The following COL23A1 variants were observed in gnomAD, a reference collection of about 807,000 sequenced individuals.
COL23A1 encodes the protein collagen type XXIII alpha 1 chain.
Under a neutral mutation model 99.3 loss-of-function variants are expected in COL23A1, and 97 were observed. The observed-to-expected ratio is 0.98, with a 90% confidence interval of 0.83 to 1.16. The LOEUF (loss-of-function observed/expected upper bound fraction) is 1.16, where lower values mean the gene tolerates loss of function less well. Ranked by LOEUF, COL23A1 falls within the 50% of genes most tolerant of loss-of-function variation. The pLI is 0.00. For missense variants in COL23A1, 762 were observed against 757.4 expected (o/e 1.01, Z -0.07); for synonymous variants, 320 against 308.2 (o/e 1.04, Z -0.40).
At chr5:178,372,390 G>A (rs941825168) in intron 2 of COL23A1, among the ~76,000 whole-genome samples, 8 of 152,176 alleles carry the variant, frequency 5.3e-5, no homozygotes, top group Non-Finnish European at 8.8e-5. Flanking sequence ...CGTTAGCCCT[G>A]GCCTTATTAA....
intron 2 of COL23A1, chr5:178,345,207 G>A: frequency 1.2e-6 from 1 of 854,292 alleles, no homozygotes; most frequent in Non-Finnish European, 1.9e-6. Context: ...CAGATGTGCG[G>A]GGTTAGAGAT....
In COL23A1 at chr5:178,372,011, G is replaced by T. The variant is rs114901058; in HGVS notation, c.362-65092C>A. Among the ~76,000 whole-genome samples the T allele has an allele frequency of 4.1e-3, 624 of 152,360 alleles. 3 individuals carry two copies. Among genetic ancestry groups the T allele is most frequent in the African/African-American group, 0.014 (597 of 41,586 alleles). Reference sequence around the variant, plus strand: ...TCCTTTCTAGATTAGAGGCTGCACAGTGACAGCCGTGACCCACAGATGTTT... The same window carrying T: ...TCCTTTCTAGATTAGAGGCTGCACATTGACAGCCGTGACCCACAGATGTTT... On this transcript the variant is annotated intron_variant, in intron 2 of 28. Transcript: ENST00000390654.
At chr5:178,543,310 T>G (rs1761397723) in intron 2 of COL23A1, among the ~76,000 whole-genome samples, 2 of 152,128 alleles carry the variant, frequency 1.3e-5, no homozygotes, top group South Asian at 4.1e-4. Context: ...TTTCACCACG[T>G]TGGCCAGGCT....
intron 2 of COL23A1, among the ~76,000 whole-genome samples, chr5:178,505,726 G>A (rs1562033528): frequency 6.6e-6 from 1 of 152,086 alleles, no homozygotes; most frequent in African/African-American, 2.4e-5. Flanking sequence ...CCCATAACAC[G>A]AAGGTAATCT....
intron 1 of COL23A1, among the ~76,000 whole-genome samples, chr5:178,563,176 G>A (rs549104836): frequency 6.6e-6 from 1 of 152,272 alleles, no homozygotes; most frequent in East Asian, 1.9e-4. Context: ...CTGTAAATCG[G>A]AACCTGGCTA....
At chr5:178,285,907 T>A (rs1327066180) in intron 5 of COL23A1, among the ~76,000 whole-genome samples, 1 of 152,228 alleles carries the variant, frequency 6.6e-6, no homozygotes, top group African/African-American at 2.4e-5. Context: ...CGAAAGGTCC[T>A]CCCCTTCCTC....
chr5:178,584,308 C>CCACACA (rs4045513), intron 1 of COL23A1, among the ~76,000 whole-genome samples: 4,241 of 145,084 alleles, frequency 0.029, 64 homozygotes, highest in Middle Eastern at 0.059. Flanking sequence ...CTGCACCTGG[C>CCACACA]CACACACACA....
intron 2 of COL23A1, among the ~76,000 whole-genome samples, chr5:178,345,997 T>C (rs914466678): frequency 3.9e-5 from 6 of 152,152 alleles, no homozygotes; most frequent in Non-Finnish European, 1.5e-5. Flanking sequence ...GACTCATATC[T>C]AAGATAGAGT....
At chr5:178,249,905 C>A (rs945681348) in intron 18 of COL23A1, among the ~76,000 whole-genome samples, 156 bp downstream of exon 18, 2 of 151,876 alleles carry the variant, frequency 1.3e-5, no homozygotes, top group Admixed American at 1.3e-4. Context: ...GGTTTGCACA[C>A]AGGCAGCCTG....
rs77114652 is a variant in COL23A1 at position 178,278,577 on chromosome 5, G to A, written c.442-8214C>T. Among the ~76,000 whole-genome samples the A allele has an allele frequency of 7.7e-3, 1,176 of 152,204 alleles. 12 individuals are homozygous for A. The highest frequency in any genetic ancestry group is 0.027 in the African/African-American group (1,125 of 41,518). On this transcript the variant is annotated intron_variant, in intron 5 of 28. Coordinates refer to ENST00000390654, the MANE Select transcript of COL23A1 (RefSeq NM_173465.4). ...CTCATCTATTTTCTCACTTGCCGGCGGCTGCAAGCGTCAGTGAGCCCGTGA... is the reference window on the plus strand; with the variant it reads ...CTCATCTATTTTCTCACTTGCCGGCAGCTGCAAGCGTCAGTGAGCCCGTGA...
At chr5:178,416,674 C>T (rs1765329866) in intron 2 of COL23A1, among the ~76,000 whole-genome samples, 1 of 152,202 alleles carries the variant, frequency 6.6e-6, no homozygotes, top group Admixed American at 6.5e-5. Context: ...GTATCCTTCC[C>T]ATTTCACAGA....
At chr5:178,523,199 T>TAGAGAG (rs1269636962) in intron 2 of COL23A1, among the ~76,000 whole-genome samples, 48 of 75,958 alleles carry the variant, frequency 6.3e-4, no homozygotes, top group African/African-American at 1.2e-3. Flanking sequence ...TATATATATA[T>TAGAGAG]ATAGAGAGAG....
chr5:178,576,633 G>C (rs1216106989), intron 1 of COL23A1, among the ~76,000 whole-genome samples: 1 of 152,168 alleles, frequency 6.6e-6, no homozygotes, highest in East Asian at 1.9e-4. Flanking sequence ...CGGTAGGAGC[G>C]GGGACAGGCG....
chr5:178,253,091 G>A (rs754539769), intron 16 of COL23A1, among the ~76,000 whole-genome samples: 3 of 151,988 alleles, frequency 2.0e-5, no homozygotes, highest in Non-Finnish European at 4.4e-5. Context: ...GCAGGTAGGG[G>A]TGGGGTCTCC....
chr5:178,241,758 C>G (rs1204934699), intron 27 of COL23A1, among the ~76,000 whole-genome samples: 2 of 152,262 alleles, frequency 1.3e-5, no homozygotes, highest in Non-Finnish European at 2.9e-5. Flanking sequence ...CCTACTCAAG[C>G]CAGGCCTGTC....
chr5:178,247,648 T>TGCCCTCC, intron 21 of COL23A1, 96 bp from the exon 22 acceptor site: 1 of 1,564,488 alleles, frequency 6.4e-7, no homozygotes, highest in Non-Finnish European at 8.8e-7. Context: ...CTCTGCCCTC[T>TGCCCTCC]GCCCATGTGC....
chr5:178,564,280 TAA>T (rs1762742872), intron 1 of COL23A1, among the ~76,000 whole-genome samples: 1 of 152,186 alleles, frequency 6.6e-6, no homozygotes, highest in Non-Finnish European at 1.5e-5. Flanking sequence ...GGTGAATCTG[TAA>T]AGTTTTCTCT....
At chr5:178,489,440 G>A (rs937102927) in intron 2 of COL23A1, among the ~76,000 whole-genome samples, 1 of 152,192 alleles carries the variant, frequency 6.6e-6, no homozygotes, top group Non-Finnish European at 1.5e-5. Flanking sequence ...CTGGTTCTGC[G>A]GCTTGTAAAC....
At chr5:178,536,996 C>T (rs1189630137) in intron 2 of COL23A1, among the ~76,000 whole-genome samples, 2 of 152,222 alleles carry the variant, frequency 1.3e-5, no homozygotes, top group Non-Finnish European at 2.9e-5. Flanking sequence ...TCCTCACCGC[C>T]GACGGCTGCT....
Sources: gnomAD v4.1 joint callset for allele counts (sites outside exome capture counted in the v4.1 genomes callset) on GRCh38, gnomAD v4.1.1 for gene constraint, MANE v1.5 for transcripts, NCBI Gene and HGNC (gene_info 2026-07-23, HGNC 2026-07-21) for gene names.